Variants in VASH1 observed in about 807,000 individuals in gnomAD.
The protein encoded by VASH1 is vasohibin 1.
VASH1 carries 16 observed loss-of-function variants against 35.0 expected under a neutral mutation model. The ratio of observed to expected loss-of-function variants is 0.46; its 90% CI spans 0.31 to 0.70. The LOEUF (loss-of-function observed/expected upper bound fraction) is 0.70, where lower values mean the gene tolerates loss of function less well. VASH1 is among the 30% of genes least tolerant of loss of function. The pLI is 0.05. For synonymous variants in VASH1, 214 were observed against 200.9 expected, an observed-to-expected ratio of 1.07 and a Z score of -0.55; for missense variants, 505 against 510.7, an observed-to-expected ratio of 0.99 and a Z score of 0.11.
rs752498361 is a variant in VASH1 at position 76,769,338 on chromosome 14, T to C, written c.310-625T>C. On this transcript the variant is annotated intron_variant, in intron 1 of 6. Coordinates refer to ENST00000167106, the MANE Select transcript of VASH1 (RefSeq NM_014909.5). The stretch of plus-strand genomic sequence containing the variant: ...GACTTGGAGGAGGACCCGGCCCCTC[T>C]GTGCATGCCCCAGCCACAGAGCTAC... 5.4e-6 allele frequency: 7 copies of C among 1,289,172 alleles called. 1 individual carries two copies. In the South Asian group the frequency reaches 8.6e-5, roughly 16 times the overall value. 79.9% of individuals were successfully genotyped at this position (1,289,172 alleles called of 1,614,324 possible).
rs570969081 is a variant in VASH1, at chr14:76,777,857, C to T, written c.913-102C>T. ...AGAGCCATGCTTGAGGTTCCCCGGG[C>T]CTTCCCCAGGGCAGCCTCCAGGGAC... On this transcript the variant is annotated intron_variant, in intron 5 of 6. Coordinates refer to ENST00000167106, the MANE Select transcript of VASH1 (RefSeq NM_014909.5). The T allele has an allele frequency of 6.1e-6, 5 of 815,438 alleles. 1 individual carries two copies. The South Asian group carries it at 8.4e-5, about 14-fold the overall frequency. The allele number at this position is 815,438 out of a possible 1,614,324, so 50.5% of individuals were successfully genotyped here.
At chr14:76,766,969 G>A (rs867876348) in intron 1 of VASH1, among the ~76,000 whole-genome samples, 1 of 152,134 alleles carries the variant, frequency 6.6e-6, no homozygotes, top group East Asian at 1.9e-4. Flanking sequence ...CTAAAGTCAC[G>A]ACTAGGCCGG....
chr14:76,771,068 GA>G (rs1383024938), intron 2 of VASH1, 121 bp from the exon 3 acceptor site: 20 of 819,258 alleles, frequency 2.4e-5, no homozygotes, highest in Non-Finnish European at 3.6e-5. Context: ...GCGGGGAGAA[GA>G]ATTCATGCTG....
At chr14:76,776,906 C>T (rs756507745) in intron 5 of VASH1, among the ~76,000 whole-genome samples, 52 of 152,260 alleles carry the variant, frequency 3.4e-4, no homozygotes, top group Admixed American at 5.9e-4. Flanking sequence ...CCCCTCCAGG[C>T]AGCCTGGAGC....
rs1475576163 is a variant in VASH1 at position 76,775,910 on chromosome 14, GC to G, written c.552del (p.Thr185ProfsTer25). ...ILGIYLTNSM[P>X]TLERFPISFK... is the part of the protein sequence containing the mutation. ...TGGCCAGTTACCTCACCAACAGCAT[GC>G]CCACCCTGGAGCGCTTCCCCATCAG... On this transcript the variant is annotated frameshift_variant, in exon 5 of 7. Transcript: ENST00000167106. LOFTEE classifies it high-confidence loss of function. The G allele has an allele frequency of 5.0e-6, 8 of 1,588,676 alleles. No homozygotes were observed. Among genetic ancestry groups the G allele is most frequent in the Non-Finnish European group, 6.0e-6 (7 of 1,166,516 alleles).
intron 1 of VASH1, 58 bp from the exon 2 acceptor site, chr14:76,769,905 G>T (rs1047097632): frequency 1.3e-6 from 2 of 1,573,154 alleles, no homozygotes; most frequent in African/African-American, 2.7e-5. Flanking sequence ...GTGTTTGGTG[G>T]ACTGGAAGCT....
intron 4 of VASH1, among the ~76,000 whole-genome samples, chr14:76,775,166 G>A (rs1320050055): frequency 6.6e-6 from 1 of 152,202 alleles, no homozygotes; most frequent in Non-Finnish European, 1.5e-5. Context: ...GACAAAATAA[G>A]CAAGTAAGGA....
chr14:76,769,900 T>A, intron 1 of VASH1, 63 bp from the exon 2 acceptor site: 1 of 1,549,520 alleles, frequency 6.5e-7, no homozygotes, highest in Non-Finnish European at 8.9e-7. Flanking sequence ...CCTAGGTGTT[T>A]GGTGGACTGG....
Position 76,769,817 on chromosome 14 carries a change from G to A in VASH1, c.310-146G>A, listed in dbSNP as rs113659598. The A allele has an allele frequency of 6.9e-3, 5,521 of 804,598 alleles. 54 individuals carry two copies. The highest frequency in any genetic ancestry group is 8.6e-3 in the Non-Finnish European group (4,233 of 492,004). 49.8% of individuals were successfully genotyped at this position (804,598 alleles called of 1,614,324 possible). A position where few individuals can be genotyped will look rare whatever the true frequency, so the allele number is the denominator to read the frequency against. ...GCAAGAGTCTTCGAATGAGTGGGGT[G>A]CCAAGAAAGGAAGCTCAAGTGGGAG... On this transcript the variant is annotated intron_variant, in intron 1 of 6. Coordinates refer to ENST00000167106, the MANE Select transcript of VASH1 (RefSeq NM_014909.5).
intron 6 of VASH1, 103 bp downstream of exon 6, chr14:76,778,174 CTT>C (rs770344911): frequency 4.6e-6 from 4 of 860,268 alleles, no homozygotes; most frequent in Non-Finnish European, 6.5e-6. Flanking sequence ...ACCCTTCTCT[CTT>C]TTTCGCTCCC....
intron 5 of VASH1, among the ~76,000 whole-genome samples, chr14:76,776,513 C>A (rs1893949601): frequency 6.6e-6 from 1 of 152,116 alleles, no homozygotes. Context: ...GGCAAGGTCA[C>A]TGGTGGAGAA....
At chr14:76,768,295 G>T (rs1893695711) in intron 1 of VASH1, among the ~76,000 whole-genome samples, 1 of 152,222 alleles carries the variant, frequency 6.6e-6, no homozygotes, top group African/African-American at 2.4e-5. Flanking sequence ...GTTTTATCTT[G>T]CTGGTGACTG....
At chr14:76,764,987 C>T (rs1024024644) in intron 1 of VASH1, among the ~76,000 whole-genome samples, 14 of 152,120 alleles carry the variant, frequency 9.2e-5, no homozygotes, top group Non-Finnish European at 2.9e-5. Context: ...CCACCACGCC[C>T]GGCCAGACAT....
At position 76,773,216 on chromosome 14, in the gene VASH1, C is replaced by T. The variant is rs1893840122; in HGVS notation, c.530+5C>T. 1 of 1,614,070 alleles carries T rather than the reference C, an allele frequency of 6.2e-7. No individual in the cohort carries two copies. The highest frequency in any genetic ancestry group is 8.5e-7 in the Non-Finnish European group (1 of 1,179,972). ...GGAAGCCGTGATCCTGGGAATGTAT[C>T]CTTCCTCACCTGAAGGGGAGGGGTC... On this transcript the variant is annotated splice_donor_5th_base_variant and intron_variant, in intron 4 of 6. Coordinates refer to ENST00000167106, the MANE Select transcript of VASH1 (RefSeq NM_014909.5).
At chr14:76,775,604 C>T (rs910292020) in intron 4 of VASH1, among the ~76,000 whole-genome samples, 13 of 152,184 alleles carry the variant, frequency 8.5e-5, no homozygotes, top group Admixed American at 6.5e-4. Context: ...CTCTGGAAAG[C>T]CCTGCAGTGT....
intron 5 of VASH1, 107 bp from the exon 6 acceptor site, chr14:76,777,852 C>G: frequency 1.3e-6 from 1 of 759,724 alleles, no homozygotes; most frequent in East Asian, 3.4e-5. Context: ...TTGAGGTTCC[C>G]CGGGCCTTCC....
At chr14:76,768,758 A>G (rs1893711132) in intron 1 of VASH1, among the ~76,000 whole-genome samples, 1 of 151,534 alleles carries the variant, frequency 6.6e-6, no homozygotes, top group African/African-American at 2.4e-5. Flanking sequence ...TTCCCTTCAC[A>G]CGTGCCCCTG....
intron 4 of VASH1, 53 bp from the exon 5 acceptor site, chr14:76,775,839 G>T (rs995885528): frequency 2.0e-6 from 3 of 1,495,486 alleles, no homozygotes; most frequent in Non-Finnish European, 2.7e-6. Context: ...GTCCCTCCCG[G>T]TGTGCTGGCC....
chr14:76,768,127 G>A (rs1024570738), intron 1 of VASH1, among the ~76,000 whole-genome samples: 15 of 152,258 alleles, frequency 9.9e-5, no homozygotes, highest in African/African-American at 3.6e-4. Flanking sequence ...AGGTGACTGG[G>A]TGGATGTGCC....
Sources: allele counts gnomAD v4.1 joint callset (sites outside exome capture counted in the v4.1 genomes callset), GRCh38; gene constraint gnomAD v4.1.1; transcripts MANE v1.5; gene names NCBI Gene and HGNC (gene_info 2026-07-23, HGNC 2026-07-21).